The following ESRRG variants were observed in gnomAD, a reference collection of about 807,000 sequenced individuals.
ESRRG encodes the protein estrogen related receptor gamma, also known as estrogen-related receptor gamma.
In ESRRG, 13 loss-of-function variants were observed where a neutral mutation model predicts 44.0. The ratio of observed to expected loss-of-function variants is 0.30; its 90% CI spans 0.19 to 0.47. The LOEUF is 0.47. Among genes scored for constraint, ESRRG ranks in the 20% least tolerant of loss-of-function variants. The pLI, the probability that ESRRG is intolerant of heterozygous loss-of-function variation, is 1.00. For synonymous variants in ESRRG, 215 were observed against 214.6 expected (o/e 1.00, Z -0.02); for missense variants, 395 against 580.6 (o/e 0.68, Z 3.29).
intron 1 of ESRRG, among the ~76,000 whole-genome samples, chr1:217,044,183 A>T (rs1305008958): frequency 2.0e-5 from 3 of 152,154 alleles, no homozygotes; most frequent in African/African-American, 7.2e-5. Context: ...AGGATGTACA[A>T]TAGATCATTC....
At chr1:216,676,403 T>C (rs887900684) in intron 2 of ESRRG, among the ~76,000 whole-genome samples, 1 of 137,416 alleles carries the variant, frequency 7.3e-6, no homozygotes, top group Non-Finnish European at 1.5e-5. Flanking sequence ...ATTTGGAAGG[T>C]TTTTTTTAAT....
chr1:217,041,634 G>A (rs10863290), intron 1 of ESRRG, among the ~76,000 whole-genome samples: 119,047 of 151,994 alleles, frequency 0.78, 47,090 homozygotes, highest in Non-Finnish European at 0.82. Flanking sequence ...CAGTATATAT[G>A]GTTTTTGTTT....
At chr1:216,852,367 C>A (rs1356180479) in intron 2 of ESRRG, among the ~76,000 whole-genome samples, 1 of 152,138 alleles carries the variant, frequency 6.6e-6, no homozygotes, top group Non-Finnish European at 1.5e-5. Flanking sequence ...ATAGGAAATT[C>A]TTTGGAGAAG....
chr1:217,038,317 G>T (rs2083276449), intron 1 of ESRRG, among the ~76,000 whole-genome samples: 1 of 152,194 alleles, frequency 6.6e-6, no homozygotes, highest in South Asian at 2.1e-4. Context: ...CTAGGGGGAG[G>T]TTCTCAAACC....
chr1:217,116,929 ATCAG>A (rs1262633017), intron 1 of ESRRG, among the ~76,000 whole-genome samples: 2 of 152,212 alleles, frequency 1.3e-5, no homozygotes, highest in African/African-American at 4.8e-5. Flanking sequence ...TCCTGGACAA[ATCAG>A]TCAGCCTCAT....
upstream of ESRRG, among the ~76,000 whole-genome samples, chr1:217,090,212 T>C (rs1272009831): frequency 6.6e-6 from 1 of 152,132 alleles, no homozygotes; most frequent in African/African-American, 2.4e-5. Flanking sequence ...GTTCATCTTT[T>C]GTCTTTCATT....
intron 2 of ESRRG, among the ~76,000 whole-genome samples, chr1:216,820,383 CATAA>C: frequency 6.6e-6 from 1 of 152,120 alleles, no homozygotes; most frequent in Non-Finnish European, 1.5e-5. Flanking sequence ...AGAAACAACT[CATAA>C]AGGGTTATGT....
intron 1 of ESRRG, among the ~76,000 whole-genome samples, chr1:216,713,536 C>A: frequency 6.6e-6 from 1 of 152,140 alleles, no homozygotes; most frequent in East Asian, 1.9e-4. Flanking sequence ...TGACATAGGG[C>A]ATAACTGCAT....
At chr1:216,682,922 G>A (rs1235442266) in intron 1 of ESRRG, among the ~76,000 whole-genome samples, 1 of 152,066 alleles carries the variant, frequency 6.6e-6, no homozygotes, top group African/African-American at 2.4e-5. Flanking sequence ...GTGGCAAAAT[G>A]TGAATCACTT....
intron 1 of ESRRG, among the ~76,000 whole-genome samples, chr1:216,969,287 G>A (rs1011008359): frequency 6.6e-6 from 1 of 152,046 alleles, no homozygotes; most frequent in South Asian, 2.1e-4. Context: ...CCCACTTGAG[G>A]AGAGATATTC....
intron 3 of ESRRG, among the ~76,000 whole-genome samples, chr1:216,593,901 T>A (rs1011127969): frequency 1.3e-5 from 2 of 152,162 alleles, no homozygotes. Context: ...CAGCTAAATT[T>A]TTTTTATTGT....
At chr1:216,723,091 C>T in intron 1 of ESRRG, 153 bp downstream of exon 1, 2 of 651,172 alleles carry the variant, frequency 3.1e-6, no homozygotes, top group South Asian at 1.9e-5. Flanking sequence ...AGATCACCCT[C>T]AACACAAAAG....
At chr1:217,085,958 A>T (rs983646871) in intron 1 of ESRRG, among the ~76,000 whole-genome samples, 1 of 152,202 alleles carries the variant, frequency 6.6e-6, no homozygotes, top group Non-Finnish European at 1.5e-5. Context: ...AAGCCGTATG[A>T]TTTCACAGCT....
intron 5 of ESRRG, among the ~76,000 whole-genome samples, chr1:216,526,266 T>C (rs1252780285): frequency 6.6e-6 from 1 of 152,122 alleles, no homozygotes; most frequent in Non-Finnish European, 1.5e-5. Flanking sequence ...CCTGGGAACA[T>C]GACCTTATTT....
intron 2 of ESRRG, among the ~76,000 whole-genome samples, chr1:216,766,138 A>T (rs548387638): frequency 6.6e-6 from 1 of 152,210 alleles, no homozygotes; most frequent in East Asian, 1.9e-4. Context: ...ACTCACATGG[A>T]AAAACTGGGA....
intron 2 of ESRRG, among the ~76,000 whole-genome samples, chr1:216,778,678 G>A (rs1316451778): frequency 2.0e-5 from 3 of 151,914 alleles, no homozygotes. Context: ...CATACTTTTG[G>A]CTGAAATGTA....
chr1:216,622,720 T>C, intron 3 of ESRRG, among the ~76,000 whole-genome samples: 1 of 152,114 alleles, frequency 6.6e-6, no homozygotes, highest in Non-Finnish European at 1.5e-5. Flanking sequence ...ACTCAGTTTA[T>C]AAGCTCAGAA....
intron 1 of ESRRG, among the ~76,000 whole-genome samples, chr1:216,709,300 T>C (rs1028044553): frequency 1.8e-4 from 27 of 150,122 alleles, no homozygotes; most frequent in African/African-American, 5.1e-4. Flanking sequence ...GTTATGTGTA[T>C]GTACATGTGT....
upstream of ESRRG, among the ~76,000 whole-genome samples, chr1:217,093,070 G>A (rs2092372434): frequency 6.6e-6 from 1 of 152,144 alleles, no homozygotes; most frequent in South Asian, 2.1e-4. Flanking sequence ...TAGCTCTTAT[G>A]AGTCTTTCTC....
Sources: gnomAD v4.1 joint callset for allele counts (sites outside exome capture counted in the v4.1 genomes callset) on GRCh38, gnomAD v4.1.1 for gene constraint, MANE v1.5 for transcripts, NCBI Gene and HGNC (gene_info 2026-07-23, HGNC 2026-07-21) for gene names.